The following PGR variants were observed in gnomAD, a reference collection of about 807,000 sequenced individuals.
The protein encoded by PGR is nuclear receptor subfamily 3 group C member 3.
PGR carries 25 observed loss-of-function variants against 76.1 expected under a neutral mutation model. That is an observed-to-expected ratio of 0.33 (90% CI 0.24 to 0.46). PGR has a LOEUF of 0.46. PGR is among the 20% of genes least tolerant of loss of function. The pLI is 1.00. For synonymous variants in PGR, 579 were observed against 535.0 expected (o/e 1.08, Z -1.14); for missense variants, 1,172 against 1,225.3 (o/e 0.96, Z 0.65).
chr11:101,059,799 T>C (rs1358830094), intron 4 of PGR, among the ~76,000 whole-genome samples: 5 of 132,550 alleles, frequency 3.8e-5, no homozygotes, highest in African/African-American at 1.4e-4. Flanking sequence ...GCCAAGATCA[T>C]GCCACTGTGG....
chr11:101,099,500 T>C (rs1267059623), intron 2 of PGR, among the ~76,000 whole-genome samples: 1 of 152,170 alleles, frequency 6.6e-6, no homozygotes, highest in African/African-American at 2.4e-5. Flanking sequence ...TACCTACTGA[T>C]AAGCTCTACA....
At chr11:101,049,063 T>C (rs1013135147) in intron 6 of PGR, among the ~76,000 whole-genome samples, 1 of 152,070 alleles carries the variant, frequency 6.6e-6, no homozygotes, top group Non-Finnish European at 1.5e-5. Context: ...TCTATATCTT[T>C]ATTCTATAAA....
At chr11:101,051,141 G>T (rs1021606424) in intron 5 of PGR, among the ~76,000 whole-genome samples, 1 of 151,608 alleles carries the variant, frequency 6.6e-6, no homozygotes, top group African/African-American at 2.4e-5. Context: ...ATTTATTATT[G>T]TCATTAGTAC....
At chr11:101,085,335 A>G (rs148073900) in intron 3 of PGR, among the ~76,000 whole-genome samples, 4 of 150,898 alleles carry the variant, frequency 2.7e-5, no homozygotes, top group African/African-American at 9.8e-5. Flanking sequence ...GCTCTGGATA[A>G]CTTTGAGTAA....
At chr11:101,068,750 C>CAA (rs141613454) in intron 3 of PGR, among the ~76,000 whole-genome samples, 7,549 of 150,986 alleles carry the variant, frequency 0.05, 534 homozygotes, top group African/African-American at 0.16. Context: ...CAAACCTGAC[C>CAA]AAAAAAAACA....
chr11:101,088,569 T>C (rs1861571660), intron 3 of PGR, among the ~76,000 whole-genome samples: 1 of 152,128 alleles, frequency 6.6e-6, no homozygotes, highest in South Asian at 2.1e-4. Flanking sequence ...CCTGAACTCA[T>C]GATCCACCTG....
At chr11:101,076,909 T>G (rs1861145658) in intron 3 of PGR, among the ~76,000 whole-genome samples, 1 of 137,388 alleles carries the variant, frequency 7.3e-6, no homozygotes. Flanking sequence ...TTTTTAAAAC[T>G]ACAAATGGAA....
chr11:101,105,237 A>AGTGTCT (rs1367585406), intron 2 of PGR, among the ~76,000 whole-genome samples: 2 of 152,222 alleles, frequency 1.3e-5, no homozygotes, highest in Admixed American at 1.3e-4. Flanking sequence ...ACACTGGAGC[A>AGTGTCT]GACGGCTAAC....
chr11:101,122,669 AT>A (rs1239203071), intron 2 of PGR, among the ~76,000 whole-genome samples: 1 of 151,972 alleles, frequency 6.6e-6, no homozygotes, highest in Non-Finnish European at 1.5e-5. Context: ...AAAAGAAATC[AT>A]TTTTCCCAAC....
rs542682783 is a variant in PGR, at chr11:101,103,073, C to A, written c.1790-11197G>T. ...TAATGCTCACTCACCTGCTGCTCAC[C>A]TCCTGCTGTGTGGCCTGATTCACAG... On this transcript the variant is annotated intron_variant, in intron 2 of 7. Coordinates refer to ENST00000325455, the MANE Select transcript of PGR (RefSeq NM_000926.4). Among the ~76,000 whole-genome samples the A allele has an allele frequency of 4.6e-5, 7 of 151,394 alleles. No homozygotes were observed. In the South Asian group the frequency reaches 1.5e-3, roughly 32 times the overall value.
intron 7 of PGR, among the ~76,000 whole-genome samples, chr11:101,039,861 C>T (rs1859640036): frequency 6.6e-6 from 1 of 151,990 alleles, no homozygotes; most frequent in Admixed American, 6.6e-5. Flanking sequence ...GACACAACTA[C>T]CTTCAACTTT....
chr11:101,054,057 T>C (rs1430530333), intron 4 of PGR, among the ~76,000 whole-genome samples: 1 of 152,194 alleles, frequency 6.6e-6, no homozygotes, highest in Non-Finnish European at 1.5e-5. Context: ...GTCCAGATAA[T>C]GAGAACCAAT....
At chr11:101,050,207 A>G (rs1468472921) in intron 5 of PGR, 148 bp from the exon 6 acceptor site, 11 of 786,936 alleles carry the variant, frequency 1.4e-5, no homozygotes, top group Non-Finnish European at 2.3e-5. Flanking sequence ...AACAAACCCA[A>G]TATTTGGAAT....
chr11:101,118,925 C>T (rs1862590989), intron 2 of PGR, among the ~76,000 whole-genome samples: 1 of 152,078 alleles, frequency 6.6e-6, no homozygotes, highest in African/African-American at 2.4e-5. Context: ...AGATGTAAAC[C>T]AGCAGTCCTC....
intron 2 of PGR, among the ~76,000 whole-genome samples, chr11:101,110,425 T>G (rs531402710): frequency 6.6e-6 from 1 of 152,198 alleles, no homozygotes; most frequent in Non-Finnish European, 1.5e-5. Flanking sequence ...CAAGACTTCA[T>G]GGAGGAAGTA....
At position 101,030,150 on chromosome 11, in the gene PGR, T is replaced by C. The variant is rs1859303921; in HGVS notation, c.*8966A>G. On this transcript the variant is annotated 3_prime_UTR_variant, in exon 8 of 8. Coordinates refer to ENST00000325455, the MANE Select transcript of PGR (RefSeq NM_000926.4). ...TTAGGGACCTACTACTTACTCAAAATAGGGTAGTAGCATTAATAACTAAAT... is the reference window on the plus strand; with the variant it reads ...TTAGGGACCTACTACTTACTCAAAACAGGGTAGTAGCATTAATAACTAAAT... 1 of 218,712 alleles carries C rather than the reference T, an allele frequency of 4.6e-6. No individual in the cohort carries two copies. The highest frequency in any genetic ancestry group is 1.9e-4 in the South Asian group (1 of 5,396). 13.5% of individuals were successfully genotyped at this position (218,712 alleles called of 1,614,324 possible).
At chr11:101,107,991 C>T (rs564387295) in intron 2 of PGR, among the ~76,000 whole-genome samples, 10 of 152,068 alleles carry the variant, frequency 6.6e-5, no homozygotes, top group East Asian at 3.9e-4. Flanking sequence ...CAGTGGCTCA[C>T]GCCTGTAATC....
intron 3 of PGR, among the ~76,000 whole-genome samples, chr11:101,080,069 G>A (rs1165832777): frequency 6.6e-6 from 1 of 152,194 alleles, no homozygotes. Flanking sequence ...GCTTGTGCTT[G>A]CCATCAGGGG....
At chr11:101,046,578 T>C (rs2135387006) in intron 6 of PGR, among the ~76,000 whole-genome samples, 1 of 151,954 alleles carries the variant, frequency 6.6e-6, no homozygotes, top group South Asian at 2.1e-4. Flanking sequence ...ATTATCAAAG[T>C]TTTACTTTGC....
Sources: gnomAD v4.1 joint callset for allele counts (sites outside exome capture counted in the v4.1 genomes callset) on GRCh38, gnomAD v4.1.1 for gene constraint, MANE v1.5 for transcripts, NCBI Gene and HGNC (gene_info 2026-07-23, HGNC 2026-07-21) for gene names.